The following NRG1 variants were observed in gnomAD, a reference collection of about 807,000 sequenced individuals.
NRG1 encodes the protein pro-neuregulin-1, membrane-bound isoform.
In NRG1, 18 loss-of-function variants were observed where a neutral mutation model predicts 63.8. The observed-to-expected ratio is 0.28, with a 90% CI of 0.19 to 0.42. The LOEUF is 0.42. Ranked by LOEUF, NRG1 falls within the 10% of genes least tolerant of loss-of-function variation. The probability of loss-of-function intolerance (pLI) is 1.00; values close to 1 mark genes in which losing one functional copy is unlikely to be tolerated. For missense variants in NRG1, 762 were observed against 814.7 expected (o/e 0.94, Z 0.79); for synonymous variants, 302 against 301.3 (o/e 1.00, Z -0.02).
intron 5 of NRG1, chr8:32,647,349 G>A (rs1009017905): frequency 4.1e-6 from 4 of 985,250 alleles, no homozygotes; most frequent in Non-Finnish European, 2.4e-6. Context: ...GATGCTCGAG[G>A]TGAGAAACAT....
intron 1 of NRG1, among the ~76,000 whole-genome samples, chr8:31,984,814 G>A (rs1178317464): frequency 6.6e-6 from 1 of 152,032 alleles, no homozygotes; most frequent in Non-Finnish European, 1.5e-5. Context: ...ACGCATAAAG[G>A]GATCTTGCAT....
At chr8:31,660,397 C>G (rs1281414049) in intron 1 of NRG1, among the ~76,000 whole-genome samples, 2 of 152,166 alleles carry the variant, frequency 1.3e-5, no homozygotes, top group East Asian at 3.9e-4. Flanking sequence ...AGGGAAGATA[C>G]TGATTTGACA....
chr8:32,002,029 A>T (rs1299815741), intron 1 of NRG1, among the ~76,000 whole-genome samples: 2 of 151,108 alleles, frequency 1.3e-5, no homozygotes, highest in Non-Finnish European at 3.0e-5. Context: ...AATTAATTGA[A>T]TTTTTTTTTC....
chr8:31,772,040 C>A (rs370189859), intron 1 of NRG1, among the ~76,000 whole-genome samples: 36 of 152,212 alleles, frequency 2.4e-4, no homozygotes, highest in East Asian at 1.2e-3. Context: ...ATTATAAGCA[C>A]ATGGTTTCCA....
intron 1 of NRG1, among the ~76,000 whole-genome samples, chr8:32,384,132 G>A (rs936095759): frequency 6.6e-6 from 1 of 152,160 alleles, no homozygotes; most frequent in Non-Finnish European, 1.5e-5. Flanking sequence ...AGCAACTTGG[G>A]AAGCTGAGCT....
intron 1 of NRG1, among the ~76,000 whole-genome samples, chr8:31,725,466 A>T (rs79533756): frequency 6.6e-6 from 1 of 152,062 alleles, no homozygotes; most frequent in Non-Finnish European, 1.5e-5. Flanking sequence ...ATACAGATAG[A>T]TGTCAGCATT....
At chr8:32,703,586 T>A (rs758857704) in intron 5 of NRG1, among the ~76,000 whole-genome samples, 1 of 152,072 alleles carries the variant, frequency 6.6e-6, no homozygotes, top group Admixed American at 6.6e-5. Context: ...TTCACTTTCT[T>A]CTGGTCAGCA....
chr8:32,554,929 C>CTCTCTCTCTT (rs1554580903), intron 1 of NRG1, among the ~76,000 whole-genome samples: 1 of 145,812 alleles, frequency 6.9e-6, no homozygotes, highest in Non-Finnish European at 1.5e-5. Flanking sequence ...CTCTCTCTCT[C>CTCTCTCTCTT]TTTTTTTTTT....
intron 1 of NRG1, among the ~76,000 whole-genome samples, chr8:31,813,811 G>A (rs1823172879): frequency 1.3e-5 from 2 of 152,124 alleles, no homozygotes; most frequent in African/African-American, 4.8e-5. Context: ...ATAGGTGTGA[G>A]CCATCATGCC....
At position 32,481,375 on chromosome 8, in the gene NRG1, T is replaced by A. The variant is rs1825265128; in HGVS notation, c.38-114453T>A. Among the ~76,000 whole-genome samples, 4 of 146,270 alleles carry A rather than the reference T, an allele frequency of 2.7e-5. No homozygotes were observed. The South Asian group carries it at 8.7e-4, about 32-fold the overall frequency. ...AAATAAATAAACAAACAAATAAAGG[T>A]TGTGTTAGAACAAAAAAGAAAAAGA... On this transcript the variant is annotated intron_variant, in intron 1 of 10. Transcript: ENST00000519301.
At chr8:32,376,092 T>C (rs561553793) in intron 1 of NRG1, among the ~76,000 whole-genome samples, 1 of 152,344 alleles carries the variant, frequency 6.6e-6, no homozygotes, top group Non-Finnish European at 1.5e-5. Context: ...CAAAGGAACA[T>C]TTAAAAGCTT....
chr8:32,141,600 A>G (rs1380435321), intron 1 of NRG1, among the ~76,000 whole-genome samples: 2 of 90,546 alleles, frequency 2.2e-5, no homozygotes, highest in African/African-American at 4.6e-5. Context: ...GGGTATATAT[A>G]TATATATATA....
intron 1 of NRG1, among the ~76,000 whole-genome samples, chr8:31,961,019 A>AT (rs376400215): frequency 2.8e-4 from 43 of 151,840 alleles, no homozygotes; most frequent in African/African-American, 8.7e-4. Flanking sequence ...AGTCCTTGGA[A>AT]TTTTTTTTTC....
At chr8:32,483,141 G>A (rs1825510647) in intron 1 of NRG1, among the ~76,000 whole-genome samples, 1 of 152,226 alleles carries the variant, frequency 6.6e-6, no homozygotes, top group Non-Finnish European at 1.5e-5. Context: ...GTTGATTGGG[G>A]AGATGGGAAA....
chr8:32,665,909 TTAG>T (rs969113596), intron 5 of NRG1, among the ~76,000 whole-genome samples: 10 of 152,230 alleles, frequency 6.6e-5, no homozygotes, highest in Admixed American at 6.5e-4. Context: ...AAGAAAAAAA[TTAG>T]TAGGCTATTT....
intron 6 of NRG1, among the ~76,000 whole-genome samples, chr8:32,731,468 T>C (rs1158669164): frequency 5.3e-5 from 8 of 152,000 alleles, no homozygotes; most frequent in Non-Finnish European, 1.0e-4. Context: ...CTGGATCTTA[T>C]CAGAAAGAAA....
At chr8:32,563,525 G>C (rs1308726471) in intron 1 of NRG1, among the ~76,000 whole-genome samples, 1 of 152,146 alleles carries the variant, frequency 6.6e-6, no homozygotes, top group Non-Finnish European at 1.5e-5. Context: ...CTGGGTACTG[G>C]TTATGAATTG....
intron 1 of NRG1, among the ~76,000 whole-genome samples, chr8:31,754,540 A>G (rs1816782722): frequency 6.6e-6 from 1 of 152,068 alleles, no homozygotes; most frequent in African/African-American, 2.4e-5. Flanking sequence ...TGAGTCAATT[A>G]AATCCCCTTC....
At chr8:32,280,535 G>C (rs900843848) in intron 1 of NRG1, among the ~76,000 whole-genome samples, 1 of 152,144 alleles carries the variant, frequency 6.6e-6, no homozygotes, top group Admixed American at 6.5e-5. Flanking sequence ...AATTCATAGA[G>C]AGAGAAACTA....
Sources: gnomAD v4.1 joint callset for allele counts (sites outside exome capture counted in the v4.1 genomes callset) on GRCh38, gnomAD v4.1.1 for gene constraint, MANE v1.5 for transcripts, NCBI Gene and HGNC (gene_info 2026-07-23, HGNC 2026-07-21) for gene names.